Variants in CNTNAP5 observed in about 807,000 individuals in gnomAD.
The protein encoded by CNTNAP5 is contactin associated protein family member 5.
In CNTNAP5, 72 loss-of-function variants were observed where a neutral mutation model predicts 150.2. That is an observed-to-expected ratio of 0.48 (90% CI 0.40 to 0.58). The LOEUF is 0.58. CNTNAP5 is among the 20% of genes least tolerant of loss of function. The pLI is 0.00. For synonymous variants in CNTNAP5, 672 were observed against 619.8 expected (o/e 1.08, Z -1.25); for missense variants, 1,636 against 1,626.2 (o/e 1.01, Z -0.10).
intron 13 of CNTNAP5, among the ~76,000 whole-genome samples, chr2:124,733,109 T>G (rs1286372303): frequency 6.6e-6 from 1 of 151,948 alleles, no homozygotes; most frequent in Non-Finnish European, 1.5e-5. Flanking sequence ...ATTAGGAGCT[T>G]TTGGGGGAAA....
rs192136689 is a variant in CNTNAP5 at position 124,139,108 on chromosome 2, T to C, written c.83-82597T>C. ...CTGTGGGAATTATCCATTGTTTTAT[T>C]TTGTTGGAGTTTTTTTTTCCCCCAT... On this transcript the variant is annotated intron_variant, in intron 1 of 23. Coordinates refer to ENST00000682447, the MANE Select transcript of CNTNAP5 (RefSeq NM_001367498.1). Among the ~76,000 whole-genome samples, 430 of 152,244 alleles carry C rather than the reference T, an allele frequency of 2.8e-3. 2 individuals carry two copies. Among genetic ancestry groups the C allele is most frequent in the African/African-American group, 0.01 (416 of 41,528 alleles).
intron 16 of CNTNAP5, among the ~76,000 whole-genome samples, chr2:124,770,977 T>G (rs2104609032): frequency 6.6e-6 from 1 of 152,292 alleles, no homozygotes; most frequent in African/African-American, 2.4e-5. Context: ...GAGTCTAAGC[T>G]CTTAAATCCC....
At chr2:124,299,577 C>T (rs962091394) in intron 3 of CNTNAP5, among the ~76,000 whole-genome samples, 4 of 152,102 alleles carry the variant, frequency 2.6e-5, no homozygotes, top group Middle Eastern at 3.4e-3. Flanking sequence ...TTTTCTTTAT[C>T]GAGTCTATCA....
At chr2:124,886,610 A>G (rs62173295) in intron 21 of CNTNAP5, among the ~76,000 whole-genome samples, 24,885 of 152,036 alleles carry the variant, frequency 0.16, 2,534 homozygotes, top group African/African-American at 0.29. Context: ...CCAAATTGAT[A>G]AATTTCTGGG....
chr2:124,723,284 A>G (rs907361812), intron 13 of CNTNAP5, among the ~76,000 whole-genome samples: 4 of 152,202 alleles, frequency 2.6e-5, no homozygotes, highest in Non-Finnish European at 2.9e-5. Flanking sequence ...ACAAAACACT[A>G]GAATACAATT....
intron 8 of CNTNAP5, among the ~76,000 whole-genome samples, chr2:124,516,366 T>A (rs535147169): frequency 1.3e-5 from 2 of 152,228 alleles, no homozygotes; most frequent in South Asian, 4.2e-4. Flanking sequence ...AGAGCATGTA[T>A]GAGAGGACAT....
chr2:124,145,812 T>TAAAAAAAAAA, intron 1 of CNTNAP5, among the ~76,000 whole-genome samples: 36 of 64,160 alleles, frequency 5.6e-4, no homozygotes, highest in Admixed American at 7.4e-4. Flanking sequence ...AAAAAAACAT[T>TAAAAAAAAAA]AAAAAAAAAA....
At chr2:124,302,412 G>A (rs1340452375) in intron 3 of CNTNAP5, among the ~76,000 whole-genome samples, 2 of 152,214 alleles carry the variant, frequency 1.3e-5, no homozygotes, top group Admixed American at 6.5e-5. Context: ...TGGCTTATGG[G>A]TCTAGAGGCT....
chr2:124,219,655 G>C (rs1192116159), intron 1 of CNTNAP5, among the ~76,000 whole-genome samples: 1 of 152,018 alleles, frequency 6.6e-6, no homozygotes, highest in Non-Finnish European at 1.5e-5. Flanking sequence ...ACATTCATCT[G>C]ATGCTTCTTG....
intron 1 of CNTNAP5, among the ~76,000 whole-genome samples, chr2:124,109,754 T>A (rs540157720): frequency 1.1e-4 from 16 of 152,112 alleles, no homozygotes; most frequent in Admixed American, 1.0e-3. Flanking sequence ...TAATGTTAAA[T>A]AGCAGGTAAA....
rs983784406 is a variant in CNTNAP5 at position 124,203,969 on chromosome 2, T to A, written c.83-17736T>A. Reference sequence around the variant, plus strand: ...TTCTGCAGCTGGCTTGAATTTCTCATCAAAAAATGTTTTTTTGTTTTCTAT... The same window carrying A: ...TTCTGCAGCTGGCTTGAATTTCTCAACAAAAAATGTTTTTTTGTTTTCTAT... On this transcript the variant is annotated intron_variant, in intron 1 of 23. Coordinates refer to ENST00000682447, the MANE Select transcript of CNTNAP5 (RefSeq NM_001367498.1). Among the ~76,000 whole-genome samples the A allele has an allele frequency of 2.6e-5, 4 of 152,204 alleles. No homozygotes were observed. The East Asian group carries it at 5.8e-4, about 22-fold the overall frequency.
chr2:124,538,749 C>T (rs546729023), intron 10 of CNTNAP5, among the ~76,000 whole-genome samples: 1 of 152,178 alleles, frequency 6.6e-6, no homozygotes, highest in South Asian at 2.1e-4. Flanking sequence ...GACTTTTTAT[C>T]TAGATAGAAA....
At chr2:124,794,129 G>A (rs1446000597) in intron 18 of CNTNAP5, among the ~76,000 whole-genome samples, 2 of 152,132 alleles carry the variant, frequency 1.3e-5, no homozygotes, top group Non-Finnish European at 2.9e-5. Context: ...CTTAATGATT[G>A]CAATATGTTC....
chr2:124,280,936 A>C (rs2104622935), intron 3 of CNTNAP5, among the ~76,000 whole-genome samples: 1 of 152,256 alleles, frequency 6.6e-6, no homozygotes. Flanking sequence ...AATATTCATT[A>C]AGCTGTTTCT....
At chr2:124,127,496 A>G (rs1683736112) in intron 1 of CNTNAP5, among the ~76,000 whole-genome samples, 1 of 152,200 alleles carries the variant, frequency 6.6e-6, no homozygotes, top group Non-Finnish European at 1.5e-5. Context: ...AAGGTAATTT[A>G]TAGATTTAAT....
At chr2:124,169,211 C>T (rs999345032) in intron 1 of CNTNAP5, among the ~76,000 whole-genome samples, 41 of 152,098 alleles carry the variant, frequency 2.7e-4, no homozygotes, top group African/African-American at 9.2e-4. Flanking sequence ...CAGAGGGCTG[C>T]TTTTTCTTTT....
At chr2:124,893,747 T>C (rs1678248524) in intron 21 of CNTNAP5, among the ~76,000 whole-genome samples, 2 of 152,198 alleles carry the variant, frequency 1.3e-5, no homozygotes, top group South Asian at 4.1e-4. Flanking sequence ...GGACCATTCT[T>C]TTTTTAGGCT....
intron 3 of CNTNAP5, among the ~76,000 whole-genome samples, chr2:124,382,854 C>T (rs1690830583): frequency 6.6e-6 from 1 of 152,074 alleles, no homozygotes; most frequent in Admixed American, 6.6e-5. Context: ...GGAAATTGAG[C>T]TTGTGTTTCT....
intron 13 of CNTNAP5, among the ~76,000 whole-genome samples, chr2:124,681,763 C>T (rs1184115068): frequency 6.6e-6 from 1 of 152,032 alleles, no homozygotes; most frequent in Non-Finnish European, 1.5e-5. Context: ...CGGGTTTCAC[C>T]ATTTTAGCCA....
Sources: gnomAD v4.1 joint callset for allele counts (sites outside exome capture counted in the v4.1 genomes callset) on GRCh38, gnomAD v4.1.1 for gene constraint, MANE v1.5 for transcripts, NCBI Gene and HGNC (gene_info 2026-07-23, HGNC 2026-07-21) for gene names.